Variants in PTPRA observed in about 807,000 individuals in gnomAD.
PTPRA encodes protein tyrosine phosphatase receptor type A.
In PTPRA, 25 loss-of-function variants were observed where a neutral mutation model predicts 104.8. The observed-to-expected ratio is 0.24, with a 90% CI of 0.17 to 0.33. The LOEUF (loss-of-function observed/expected upper bound fraction) is 0.33, where lower values mean the gene tolerates loss of function less well. Ranked by LOEUF, PTPRA falls within the 10% of genes least tolerant of loss-of-function variation. PTPRA has a pLI of 1.00. For missense variants in PTPRA, 765 were observed against 1,015.3 expected, an observed-to-expected ratio of 0.75 and a Z score of 3.35; for synonymous variants, 323 against 368.9, an observed-to-expected ratio of 0.88 and a Z score of 1.43.
intron 9 of PTPRA, among the ~76,000 whole-genome samples, chr20:2,989,772 C>T (rs548094566): frequency 2.0e-5 from 3 of 152,208 alleles, no homozygotes; most frequent in African/African-American, 2.4e-5. Flanking sequence ...AATCCCAGCA[C>T]TTTGGGAGGC....
chr20:2,866,330 G>A, the PTPRA span: 17 of 1,614,122 alleles, frequency 1.1e-5, no homozygotes, highest in East Asian at 2.5e-4. Flanking sequence ...GTCAACTGAG[G>A]GCCTGTGGGT....
chr20:2,888,792 C>T (rs534440153), intron 1 of PTPRA, among the ~76,000 whole-genome samples: 2 of 152,192 alleles, frequency 1.3e-5, no homozygotes, highest in South Asian at 4.1e-4. Context: ...ATACTACATG[C>T]TCATAAAATG....
chr20:2,940,528 C>T (rs757924544), intron 2 of PTPRA, among the ~76,000 whole-genome samples: 3 of 152,128 alleles, frequency 2.0e-5, no homozygotes, highest in Non-Finnish European at 2.9e-5. Flanking sequence ...ATCCAGCTCA[C>T]TGCTTATTTT....
intron 1 of PTPRA, among the ~76,000 whole-genome samples, chr20:2,897,302 C>G (rs986212393): frequency 4.0e-5 from 6 of 151,892 alleles, no homozygotes; most frequent in Non-Finnish European, 8.8e-5. Flanking sequence ...GTGATTTGTG[C>G]CTGAATCAGT....
chr20:2,898,461 G>T (rs1035090303), intron 1 of PTPRA, among the ~76,000 whole-genome samples: 2 of 150,536 alleles, frequency 1.3e-5, no homozygotes, highest in Admixed American at 6.6e-5. Flanking sequence ...TGATCCGCCC[G>T]CCTTGGCTTC....
chr20:3,030,665 A>T (rs1159300154), intron 20 of PTPRA, among the ~76,000 whole-genome samples: 1 of 137,722 alleles, frequency 7.3e-6, no homozygotes. Flanking sequence ...ATTTTTAATT[A>T]TCTCCCTCTG....
chr20:3,028,703 G>T (rs968042291), intron 20 of PTPRA, among the ~76,000 whole-genome samples: 1 of 152,212 alleles, frequency 6.6e-6, no homozygotes, highest in Non-Finnish European at 1.5e-5. Context: ...TAGAGAATGG[G>T]CCTGGAGAGA....
chr20:3,024,140 C>T (rs2065021623), intron 16 of PTPRA, among the ~76,000 whole-genome samples: 1 of 152,200 alleles, frequency 6.6e-6, no homozygotes, highest in South Asian at 2.1e-4. Flanking sequence ...ACCAGACTAT[C>T]ACGGGCTTTG....
At chr20:3,019,233 C>T (rs9679800) in intron 13 of PTPRA, among the ~76,000 whole-genome samples, 78,509 of 136,396 alleles carry the variant, frequency 0.58, 22,803 homozygotes, top group African/African-American at 0.78. Context: ...CCGGACGGGG[C>T]GGCTGGCCGG....
At chr20:2,979,758 G>A (rs1460958618) in intron 6 of PTPRA, among the ~76,000 whole-genome samples, 9 of 152,166 alleles carry the variant, frequency 5.9e-5, no homozygotes, top group Admixed American at 5.9e-4. Context: ...TGCCCAGGCT[G>A]GTCTCAAACT....
intron 11 of PTPRA, among the ~76,000 whole-genome samples, chr20:3,010,786 C>G (rs2064133832): frequency 6.6e-6 from 1 of 152,202 alleles, no homozygotes; most frequent in Non-Finnish European, 1.5e-5. Context: ...AGGATTGGAT[C>G]ACATGTTCAC....
intron 2 of PTPRA, among the ~76,000 whole-genome samples, chr20:2,936,553 C>G (rs1167525385): frequency 6.6e-6 from 1 of 152,048 alleles, no homozygotes; most frequent in Admixed American, 6.5e-5. Flanking sequence ...CCTCAACCTC[C>G]TAGGCTCAAT....
At chr20:2,973,656 CA>C (rs1262502609) in intron 5 of PTPRA, among the ~76,000 whole-genome samples, 13 of 152,134 alleles carry the variant, frequency 8.5e-5, no homozygotes, top group Admixed American at 8.5e-4. Context: ...GAAGGACAAA[CA>C]AAGGGAATAG....
intron 9 of PTPRA, among the ~76,000 whole-genome samples, chr20:2,995,601 A>G (rs2063366989): frequency 6.6e-6 from 1 of 152,196 alleles, no homozygotes; most frequent in Admixed American, 6.5e-5. Flanking sequence ...CTCTTTTATC[A>G]TCATTTCTGT....
At chr20:2,908,742 A>G (rs1021947573) in intron 1 of PTPRA, among the ~76,000 whole-genome samples, 1 of 152,158 alleles carries the variant, frequency 6.6e-6, no homozygotes, top group Admixed American at 6.6e-5. Context: ...TTAAAAAAAT[A>G]CAAAATTAAA....
At position 2,981,153 on chromosome 20, in the gene PTPRA, A is replaced by G. The variant is rs185037901; in HGVS notation, c.443-5612A>G. Among the ~76,000 whole-genome samples the G allele has an allele frequency of 4.1e-3, 622 of 152,304 alleles. 6 individuals carry two copies. The highest frequency in any genetic ancestry group is 3.6e-3 in the Non-Finnish European group (245 of 68,028). On this transcript the variant is annotated intron_variant, in intron 6 of 23. Transcript: ENST00000399903. Reference sequence around the variant, plus strand: ...TCAATTCTAACCAAAACAAAAAAAAAGCATTTATGAGACACTCAGGGAAAT... The same window carrying G: ...TCAATTCTAACCAAAACAAAAAAAAGGCATTTATGAGACACTCAGGGAAAT...
intron 13 of PTPRA, among the ~76,000 whole-genome samples, chr20:3,019,304 C>T (rs2064702074): frequency 6.6e-6 from 1 of 151,766 alleles, no homozygotes; most frequent in African/African-American, 2.4e-5. Flanking sequence ...AGAGACGCTC[C>T]TCACTTCCCA....
rs1408225694 is a variant in PTPRA, at chr20:3,019,274, G to A, written c.1041+1361G>A. Among the ~76,000 whole-genome samples the A allele has an allele frequency of 1.1e-4, 17 of 150,800 alleles. No homozygotes were observed. The South Asian group carries it at 2.3e-3, about 21-fold the overall frequency. On this transcript the variant is annotated intron_variant, in intron 13 of 23. Transcript: ENST00000399903. ...GGGCTGACCCCCCCACCTCCCTCCC[G>A]GACGAGGTGGCTGCCGGGCAGAGAC... is the stretch of plus-strand genomic sequence containing the variant.
chr20:2,871,031 G>A (rs1353589785), upstream of PTPRA, among the ~76,000 whole-genome samples: 1 of 152,160 alleles, frequency 6.6e-6, no homozygotes, highest in Non-Finnish European at 1.5e-5. Context: ...CTACAGGCAG[G>A]CAGCTGAGGA....
Sources: allele counts gnomAD v4.1 joint callset (sites outside exome capture counted in the v4.1 genomes callset), GRCh38; gene constraint gnomAD v4.1.1; transcripts MANE v1.5; gene names NCBI Gene and HGNC (gene_info 2026-07-23, HGNC 2026-07-21).